BARX2: variants seen among roughly 807,000 people sequenced by gnomAD.
BARX2 encodes BARX homeobox 2.
BARX2 carries 11 observed loss-of-function variants against 25.5 expected under a neutral mutation model. The ratio of observed to expected loss-of-function variants is 0.43; its 90% CI spans 0.27 to 0.71. The LOEUF is 0.71. BARX2 is among the 30% of genes least tolerant of loss of function. The pLI is 0.19. For synonymous variants in BARX2, 137 were observed against 149.5 expected (o/e 0.92, Z 0.61); for missense variants, 360 against 359.9 (o/e 1.00, Z 0.00).
chr11:129,412,414 C>T (rs746550491), intron 1 of BARX2, among the ~76,000 whole-genome samples: 11 of 152,280 alleles, frequency 7.2e-5, no homozygotes, highest in Admixed American at 3.9e-4. Context: ...GGAGGGTTCT[C>T]GGCTTTGCCT....
rs184631471 is a variant in BARX2, at chr11:129,417,870, A to G, written c.188-18881A>G. On this transcript the variant is annotated intron_variant, in intron 1 of 3. Coordinates refer to ENST00000281437, the MANE Select transcript of BARX2 (RefSeq NM_003658.5). The stretch of plus-strand genomic sequence containing the variant: ...CATTTTCGTAAGTTTCTATTTTCTG[A>G]TGCAGTTTCAAAACCTTGTTCTGGT... 1.3e-4 allele frequency among the ~76,000 whole-genome samples: 20 copies of G among 152,310 alleles called. No homozygotes were observed. In the East Asian group the frequency reaches 3.9e-3, roughly 29 times the overall value.
chr11:129,387,634 C>T (rs1477556569), intron 1 of BARX2, among the ~76,000 whole-genome samples: 1 of 152,150 alleles, frequency 6.6e-6, no homozygotes, highest in African/African-American at 2.4e-5. Flanking sequence ...AACCTCAGCA[C>T]ATTAGACAGC....
At chr11:129,438,321 C>CA (rs397848249) in intron 2 of BARX2, 2,068 of 83,910 alleles carry the variant, frequency 0.025, 41 homozygotes, top group African/African-American at 0.033. Context: ...GACTCAGTCT[C>CA]AAAAAAAAAA....
chr11:129,383,309 G>A (rs1482511207), intron 1 of BARX2, among the ~76,000 whole-genome samples: 1 of 152,084 alleles, frequency 6.6e-6, no homozygotes, highest in Non-Finnish European at 1.5e-5. Flanking sequence ...TTTTTATATG[G>A]CAATTTAACT....
chr11:129,394,220 C>T (rs544712380), intron 1 of BARX2, among the ~76,000 whole-genome samples: 32 of 152,250 alleles, frequency 2.1e-4, no homozygotes, highest in Non-Finnish European at 3.8e-4. Flanking sequence ...GTTGTGTGTA[C>T]CTACGGTTCA....
intron 1 of BARX2, among the ~76,000 whole-genome samples, chr11:129,384,244 T>TTA (rs1555133074): frequency 1.1e-4 from 17 of 151,572 alleles, no homozygotes; most frequent in South Asian, 6.3e-4. Flanking sequence ...TTTTTTTTTT[T>TTA]AAAAAACCAA....
intron 2 of BARX2, 55 bp downstream of exon 2, chr11:129,437,106 T>G: frequency 1.4e-6 from 2 of 1,461,844 alleles, no homozygotes; most frequent in Non-Finnish European, 1.8e-6. Context: ...AACGGGAGAC[T>G]TGCTCCCATT....
intron 1 of BARX2, among the ~76,000 whole-genome samples, chr11:129,412,280 A>C (rs80019054): frequency 0.03 from 4,521 of 152,132 alleles, 228 homozygotes; most frequent in African/African-American, 0.1. Context: ...TCAAAAAAAA[A>C]AAACAAACAA....
intron 1 of BARX2, among the ~76,000 whole-genome samples, chr11:129,408,198 A>G (rs899123862): frequency 6.6e-6 from 1 of 152,136 alleles, no homozygotes; most frequent in Non-Finnish European, 1.5e-5. Context: ...AGAAGAAGCT[A>G]AAGAGATTGG....
chr11:129,432,287 C>A (rs926712768), intron 1 of BARX2, among the ~76,000 whole-genome samples: 12 of 152,220 alleles, frequency 7.9e-5, no homozygotes, highest in Middle Eastern at 3.4e-3. Flanking sequence ...GTCTCGAACT[C>A]CTGACCTCAA....
At chr11:129,427,527 G>A (rs1346740128) in intron 1 of BARX2, among the ~76,000 whole-genome samples, 2 of 152,142 alleles carry the variant, frequency 1.3e-5, no homozygotes, top group Non-Finnish European at 2.9e-5. Flanking sequence ...GTATATATAG[G>A]TCACACATTC....
At chr11:129,411,745 G>A (rs144833373) in intron 1 of BARX2, among the ~76,000 whole-genome samples, 1,696 of 152,298 alleles carry the variant, frequency 0.011, 80 homozygotes, top group Admixed American at 0.083. Context: ...CACCAGGCCC[G>A]GCCACAGGCC....
intron 1 of BARX2, among the ~76,000 whole-genome samples, chr11:129,402,788 G>C (rs1469250571): frequency 6.6e-6 from 1 of 152,206 alleles, no homozygotes; most frequent in Non-Finnish European, 1.5e-5. Flanking sequence ...ACTGCTACTT[G>C]AATGCCTAAG....
intron 2 of BARX2, among the ~76,000 whole-genome samples, chr11:129,438,612 G>A (rs545706842): frequency 6.6e-6 from 1 of 152,312 alleles, no homozygotes; most frequent in South Asian, 2.1e-4. Flanking sequence ...AGGGAATTTA[G>A]CTTCTGATTC....
At chr11:129,413,618 G>A (rs917495656) in intron 1 of BARX2, among the ~76,000 whole-genome samples, 10 of 152,132 alleles carry the variant, frequency 6.6e-5, no homozygotes, top group African/African-American at 2.4e-4. Context: ...AAAGGCCGGA[G>A]ATAGGGGAAC....
At chr11:129,382,621 C>A (rs1374919932) in intron 1 of BARX2, among the ~76,000 whole-genome samples, 1 of 118,040 alleles carries the variant, frequency 8.5e-6, no homozygotes, top group Non-Finnish European at 1.9e-5. Flanking sequence ...AAGCTCTCAG[C>A]TGGAATATGG....
intron 1 of BARX2, among the ~76,000 whole-genome samples, chr11:129,414,266 G>C (rs1861921092): frequency 6.6e-6 from 1 of 151,906 alleles, no homozygotes; most frequent in Admixed American, 6.6e-5. Context: ...ATTAGTTCTA[G>C]GCTTGTAAGT....
chr11:129,376,136 A>C lies in BARX2; in HGVS notation c.101A>C (p.Glu34Ala). 1 of 1,613,650 alleles carries C rather than the reference A, an allele frequency of 6.2e-7. No homozygotes were observed. The highest frequency in any genetic ancestry group is 8.5e-7 in the Non-Finnish European group (1 of 1,179,776). Residue 34 changes from glutamate to alanine, a missense_variant, in exon 1 of 4, where the codon GAG (glutamate) becomes GCG (alanine). Glu to Ala is a moderately radical substitution (Grantham distance 107). Around this residue, in one of 3 missense-constraint regions of BARX2, gnomAD observed 240 missense variants for 228.7 expected, o/e 1.05. Coordinates refer to ENST00000281437, the MANE Select transcript of BARX2 (RefSeq NM_003658.5). The surrounding 1 kb of genome is among the most constrained non-coding windows in gnomAD (Gnocchi z 4.2). The stretch of plus-strand genomic sequence containing the variant: ...ATGATCGACGAGATCCTCTCCAAGG[A>C]GACCTGCGATTACTTTGAGAAACTT... Reference protein sequence around the residue: ...TFMIDEILSKETCDYFEKLSL... With the variant: ...TFMIDEILSKATCDYFEKLSL...
intron 3 of BARX2, among the ~76,000 whole-genome samples, chr11:129,444,734 G>A (rs996858616): frequency 3.9e-5 from 6 of 152,162 alleles, no homozygotes; most frequent in Admixed American, 3.3e-4. Context: ...CGGCACGGTG[G>A]CTCACGCCTG....
Sources: gnomAD v4.1 joint callset for allele counts (sites outside exome capture counted in the v4.1 genomes callset) on GRCh38, gnomAD v4.1.1 for gene constraint, gnomAD v4.1.1 regional missense constraint, Gnocchi (gnomAD v3.1) non-coding constraint, MANE v1.5 for transcripts, NCBI Gene and HGNC (gene_info 2026-07-23, HGNC 2026-07-21) for gene names.